The following FAM149A variants were observed in gnomAD, a reference collection of about 807,000 sequenced individuals.
The protein encoded by FAM149A is family with sequence similarity 149 member A, also known as protein FAM149A.
A neutral mutation model predicts 78.2 loss-of-function variants in FAM149A; 71 were observed. That is an observed-to-expected ratio of 0.91 (90% CI 0.75 to 1.11). The LOEUF is 1.11. Ranked by LOEUF, FAM149A falls within the 50% of genes least tolerant of loss-of-function variation. The pLI, the probability that FAM149A is intolerant of heterozygous loss-of-function variation, is 0.00. For synonymous variants in FAM149A, 446 were observed against 410.5 expected, an observed-to-expected ratio of 1.09 and a Z score of -1.04; for missense variants, 1,036 against 971.0, an observed-to-expected ratio of 1.07 and a Z score of -0.89.
In FAM149A at chr4:186,156,046, T is replaced by C; in HGVS notation, c.1276T>C (p.Trp426Arg). The C allele has an allele frequency of 1.9e-6, 3 of 1,613,788 alleles. No individual in the cohort carries two copies. The highest frequency in any genetic ancestry group is 2.5e-6 in the Non-Finnish European group (3 of 1,179,832). ...AAAACCAGCTCAGCCCGGTAGGAAA[T>C]GGCGCAAACTCGGACTTCCTCCTGT... The change falls in exon 7 of 14, where the codon TGG becomes CGG. Residue 426 changes from tryptophan (W) to arginine (R), a missense_variant. Trp to Arg is a moderately radical substitution (Grantham distance 101). This residue lies in a region of FAM149A where 716 missense variants were observed against 711.8 expected (regional missense o/e 1.01). Transcript: ENST00000389354.
Position 186,156,068 on chromosome 4 carries a change from C to T in FAM149A, c.1298C>T (p.Pro433Leu), listed in dbSNP as rs139661959. The T allele has an allele frequency of 2.5e-6, 4 of 1,613,986 alleles. No homozygotes were observed. The Admixed American group carries it at 6.7e-5, about 27-fold the overall frequency. ...AAATGGCGCAAACTCGGACTTCCTC[C>T]TGTTTCCCCGCGTGACTGTGTCAAA... Residue 433 changes from proline to leucine, a missense_variant, in exon 7 of 14, where the codon CCT becomes CTT. Pro to Leu is a moderately conservative substitution (Grantham distance 98). Around this residue, in one of 3 missense-constraint regions of FAM149A, gnomAD observed 716 missense variants for 711.8 expected, o/e 1.01. Coordinates refer to ENST00000389354, the MANE Select transcript of FAM149A (RefSeq NM_001367768.3).
At chr4:186,146,587 C>T (rs569927235) in intron 1 of FAM149A, 93 of 866,608 alleles carry the variant, frequency 1.1e-4, no homozygotes, top group Non-Finnish European at 1.1e-4. Context: ...GAAACAAACT[C>T]GCATGCGTCC....
Position 186,144,715 on chromosome 4 carries a change from G to C in FAM149A, c.567-4458G>C. ...AGCGGGGAAGGCGCGCTTTCCCGGA[G>C]GTCGGCGCGGGGCCGGGGCCGGGGC... On this transcript the variant is annotated intron_variant, in intron 1 of 13. Transcript: ENST00000389354. This position sits in a 1 kb window ranked among gnomAD's most constrained non-coding sequence, Gnocchi z 4.2. The C allele has an allele frequency of 2.0e-6, 1 of 501,116 alleles. No homozygotes were observed. 31.0% of individuals were successfully genotyped at this position (501,116 alleles called of 1,614,324 possible). A position where few individuals can be genotyped will look rare whatever the true frequency, so the allele number is the denominator to read the frequency against.
At position 186,164,511 on chromosome 4, in the gene FAM149A, T is replaced by A. The variant is rs568133928; in HGVS notation, c.1890-833T>A. 6 of 984,296 alleles carry A rather than the reference T, an allele frequency of 6.1e-6. No homozygotes were observed. The highest frequency in any genetic ancestry group is 6.1e-5 in the Admixed American group (1 of 16,282). 61.0% of individuals were successfully genotyped at this position (984,296 alleles called of 1,614,324 possible). A position where few individuals can be genotyped will look rare whatever the true frequency, so the allele number is the denominator to read the frequency against. On this transcript the variant is annotated intron_variant, in intron 10 of 13. Coordinates refer to ENST00000389354, the MANE Select transcript of FAM149A (RefSeq NM_001367768.3). This position sits in a 1 kb window ranked among gnomAD's most constrained non-coding sequence, Gnocchi z 4.0. ...TTTCCAGATGCAGTCATAACCCCCC[T>A]TTCAGCTTTTTAATTGGTGACTGTT... is the stretch of plus-strand genomic sequence containing the variant.
In FAM149A at chr4:186,116,655, C is replaced by T. The variant is rs13137522; in HGVS notation, c.566+11013C>T. The T allele has an allele frequency of 3.3e-3, 3,149 of 964,206 alleles. 84 individuals carry two copies. In the African/African-American group the frequency reaches 0.052, roughly 16 times the overall value. 59.7% of individuals were successfully genotyped at this position (964,206 alleles called of 1,614,324 possible). A position where few individuals can be genotyped will look rare whatever the true frequency, so the allele number is the denominator to read the frequency against. On this transcript the variant is annotated intron_variant, in intron 1 of 13. Coordinates refer to ENST00000389354, the MANE Select transcript of FAM149A (RefSeq NM_001367768.3). ...TGTCACCAGGCTGGCTGGAGGGCAG[C>T]GGCACGATCTCGGCTCACTGCAACC...
At position 186,163,537 on chromosome 4, in the gene FAM149A, C is replaced by T; in HGVS notation, c.1793C>T (p.Thr598Ile). The change falls in exon 10 of 14, where the codon ACA (threonine) becomes ATA (isoleucine). Residue 598 changes from threonine to isoleucine, a missense_variant. Physicochemically the swap from Thr to Ile is moderately conservative, Grantham distance 89. Coordinates refer to ENST00000389354, the MANE Select transcript of FAM149A (RefSeq NM_001367768.3). ...GGATTATCACCTTCTGCAAAGAAAA[C>T]ACCAGTGCCCTGGAGGCTGCCTTCT... 1 of 1,614,144 alleles carries T rather than the reference C, an allele frequency of 6.2e-7. No individual in the cohort carries two copies. The highest frequency in any genetic ancestry group is 8.5e-7 in the Non-Finnish European group (1 of 1,179,996).
Position 186,162,160 on chromosome 4 carries a change from A to G in FAM149A, c.1576-685A>G, listed in dbSNP as rs116213774. Among the ~76,000 whole-genome samples, 1,279 of 152,344 alleles carry G rather than the reference A, an allele frequency of 8.4e-3. 20 individuals are homozygous for G. The highest frequency in any genetic ancestry group is 0.029 in the African/African-American group (1,207 of 41,568). On this transcript the variant is annotated intron_variant, in intron 8 of 13. Transcript: ENST00000389354. ...GAAGTAGGTATGATTTTTCCCCAACATAAAGATGGGGCCATTAAAGCTCCA... is the reference window on the plus strand; with the variant it reads ...GAAGTAGGTATGATTTTTCCCCAACGTAAAGATGGGGCCATTAAAGCTCCA...
chr4:186,159,683 A>C (rs188633654), intron 8 of FAM149A, among the ~76,000 whole-genome samples: 2 of 152,254 alleles, frequency 1.3e-5, no homozygotes, highest in Admixed American at 6.5e-5. Context: ...GGTCCAGCAC[A>C]TACTGAGCGC....
rs1735646492 is a variant in FAM149A at position 186,173,833 on chromosome 4, A to G, written c.*1846A>G. 8.9e-6 allele frequency among the ~76,000 whole-genome samples: 1 copy of G among 112,494 alleles called. No homozygotes were observed. Among genetic ancestry groups the G allele is most frequent in the African/African-American group, 2.8e-5 (1 of 35,836 alleles). 73.8% of individuals were successfully genotyped at this position (112,494 alleles called of 152,430 possible). ...CAAAGCATTTTTGAGAATTTTCTAC[A>G]TTATTCCTAAACATTAGCAATAGAA... On this transcript the variant is annotated 3_prime_UTR_variant, in exon 14 of 14. Transcript: ENST00000389354.
At position 186,136,984 on chromosome 4, in the gene FAM149A, C is replaced by T. The variant is rs1297585323; in HGVS notation, c.567-12189C>T. Among the ~76,000 whole-genome samples, 113 of 120,816 alleles carry T rather than the reference C, an allele frequency of 9.4e-4. 1 individual carries two copies. The highest frequency in any genetic ancestry group is 3.0e-3 in the African/African-American group (93 of 30,962). The allele number at this position is 120,816 out of a possible 152,430, so 79.3% of individuals were successfully genotyped here. A position where few individuals can be genotyped will look rare whatever the true frequency, so the allele number is the denominator to read the frequency against. On this transcript the variant is annotated intron_variant, in intron 1 of 13. Transcript: ENST00000389354. The stretch of plus-strand genomic sequence containing the variant: ...TCTCTTTCTCTCTCTCTTTCTCTCT[C>T]TCTCTCTCTCTCTCTCTCTCTCTCT...
Position 186,172,106 on chromosome 4 carries a change from G to A in FAM149A, c.*119G>A, listed in dbSNP as rs73027987. The A allele has an allele frequency of 2.8e-3, 3,905 of 1,399,626 alleles. 94 individuals are homozygous for A. The African/African-American group carries it at 0.051, about 18-fold the overall frequency. 86.7% of individuals were successfully genotyped at this position (1,399,626 alleles called of 1,614,324 possible). On this transcript the variant is annotated 3_prime_UTR_variant, in exon 14 of 14. Coordinates refer to ENST00000389354, the MANE Select transcript of FAM149A (RefSeq NM_001367768.3). ...GTCTGACAGTGTGAGATGTTAGACC[G>A]AGAGAAAAGCAAACAAATAAATCAC...
intron 1 of FAM149A, chr4:186,109,152 T>TA (rs1368324462): frequency 2.0e-6 from 2 of 985,274 alleles, no homozygotes; most frequent in Non-Finnish European, 2.4e-6. Flanking sequence ...CGGCCGGTCT[T>TA]ATTCTCTTAT....
chr4:186,113,249 T>A (rs1579768918), intron 1 of FAM149A, among the ~76,000 whole-genome samples: 1 of 91,100 alleles, frequency 1.1e-5, no homozygotes, highest in African/African-American at 4.2e-5. Context: ...TGATATCCCC[T>A]TTATCATTTT....
rs1256812079 is a variant in FAM149A at position 186,104,849 on chromosome 4, G to T, written c.-228G>T. The T allele has an allele frequency of 1.7e-6, 1 of 593,778 alleles. No homozygotes were observed. Among genetic ancestry groups the T allele is most frequent in the East Asian group, 1.4e-4 (1 of 7,030 alleles). The allele number at this position is 593,778 out of a possible 1,614,324, so 36.8% of individuals were successfully genotyped here. A position where few individuals can be genotyped will look rare whatever the true frequency, so the allele number is the denominator to read the frequency against. ...GGGTCTCACGGCGCTGGGACGAGGC[G>T]GGGCTGCTCTCCGCAGCCGGGGCGC... On this transcript the variant is annotated 5_prime_UTR_variant, in exon 1 of 14. Coordinates refer to ENST00000389354, the MANE Select transcript of FAM149A (RefSeq NM_001367768.3).
chr4:186,163,036 A>G (rs1734736826), intron 9 of FAM149A, 88 bp downstream of exon 9: 6 of 799,528 alleles, frequency 7.5e-6, no homozygotes, highest in Non-Finnish European at 1.3e-5. Context: ...ACATGAGATC[A>G]CGAAGGTCCC....
intron 12 of FAM149A, 29 bp downstream of exon 12, chr4:186,167,125 TTTTGAAAAACA>T: frequency 6.2e-7 from 1 of 1,602,812 alleles, no homozygotes; most frequent in Non-Finnish European, 8.5e-7. Context: ...GTAACTTTAA[TTTTGAAAAACA>T]TTTGAAAAAA....
At chr4:186,110,494 C>T (rs1407062773) in intron 1 of FAM149A, among the ~76,000 whole-genome samples, 3 of 145,664 alleles carry the variant, frequency 2.1e-5, no homozygotes, top group Admixed American at 6.9e-5. Context: ...GCTGCACCCA[C>T]TAACTCGTCA....
chr4:186,165,327 A>G lies in FAM149A; in HGVS notation c.1890-17A>G, dbSNP rs772277476. The G allele has an allele frequency of 8.1e-6, 13 of 1,613,980 alleles. No homozygotes were observed. The highest frequency in any genetic ancestry group is 1.3e-5 in the African/African-American group (1 of 74,920). ...TCCATGTACCTGGGTGCTCAGTGAC[A>G]TGATGATGTGTTGCAGGCCGACTGG... On this transcript the variant is annotated splice_polypyrimidine_tract_variant and intron_variant, in intron 10 of 13. Transcript: ENST00000389354.
rs909430372 is a variant in FAM149A at position 186,105,226 on chromosome 4, C to A, written c.150C>A (p.Thr50=). The change falls in exon 1 of 14, where the codon ACC becomes ACA. Residue 50 remains threonine (T), a synonymous_variant. Coordinates refer to ENST00000389354, the MANE Select transcript of FAM149A (RefSeq NM_001367768.3). ...CCAGGGCGGGCACCCCGTTGGGTACCGCCCCGACCCTCCTCCGCGCCCTGG... is the reference window on the plus strand; with the variant it reads ...CCAGGGCGGGCACCCCGTTGGGTACAGCCCCGACCCTCCTCCGCGCCCTGG... The A allele has an allele frequency of 8.0e-7, 1 of 1,251,816 alleles. No individual in the cohort carries two copies. The highest frequency in any genetic ancestry group is 1.3e-5 in the South Asian group (1 of 77,626). 77.5% of individuals were successfully genotyped at this position (1,251,816 alleles called of 1,614,324 possible).
Sources: gnomAD v4.1 joint callset for allele counts (sites outside exome capture counted in the v4.1 genomes callset) on GRCh38, gnomAD v4.1.1 for gene constraint, gnomAD v4.1.1 regional missense constraint, Gnocchi (gnomAD v3.1) non-coding constraint, MANE v1.5 for transcripts, NCBI Gene and HGNC (gene_info 2026-07-23, HGNC 2026-07-21) for gene names.